Variants in RBPJ observed in about 807,000 individuals in gnomAD.
RBPJ encodes the protein recombining binding protein suppressor of hairless.
A neutral mutation model predicts 67.8 loss-of-function variants in RBPJ; 9 were observed. That is an observed-to-expected ratio of 0.13 (90% CI 0.08 to 0.23). The LOEUF is 0.23. Among genes scored for constraint, RBPJ ranks in the 10% least tolerant of loss-of-function variants. RBPJ has a pLI of 1.00. For missense variants in RBPJ, 305 were observed against 595.6 expected, an observed-to-expected ratio of 0.51 and a Z score of 5.08; for synonymous variants, 198 against 203.3, an observed-to-expected ratio of 0.97 and a Z score of 0.22.
At chr4:26,310,740 G>A (rs1262297421) in intron 1 of RBPJ, among the ~76,000 whole-genome samples, 1 of 149,802 alleles carries the variant, frequency 6.7e-6, no homozygotes, top group African/African-American at 2.5e-5. Context: ...CACGATCTTG[G>A]CTCACTGCAA....
rs565499904 is a variant in RBPJ at position 26,244,577 on chromosome 4, T to TA, written c.-167+80964dup. Among the ~76,000 whole-genome samples, 20 of 152,262 alleles carry TA rather than the reference T, an allele frequency of 1.3e-4. No homozygotes were observed. In the South Asian group the frequency reaches 3.9e-3, roughly 30 times the overall value. The stretch of plus-strand genomic sequence containing the variant: ...TTCTTATTGTTATTTTATATGACTA[T>TA]ATTTTAAAATTATAATTTTGTAAAA... On this transcript the variant is annotated intron_variant, in intron 1 of 4. Transcript: ENST00000512351.
intron 1 of RBPJ, among the ~76,000 whole-genome samples, chr4:26,197,978 C>T (rs1441546380): frequency 3.3e-5 from 5 of 152,094 alleles, no homozygotes; most frequent in African/African-American, 9.7e-5. Flanking sequence ...GCAGGCCGGG[C>T]GCAGTGGCTC....
chr4:26,352,045 T>G (rs1726864022), intron 1 of RBPJ, among the ~76,000 whole-genome samples: 1 of 152,208 alleles, frequency 6.6e-6, no homozygotes, highest in South Asian at 2.1e-4. Flanking sequence ...TTAAATTGTT[T>G]TCAATTCAGA....
intron 1 of RBPJ, among the ~76,000 whole-genome samples, chr4:26,186,873 A>G (rs937354438): frequency 1.3e-5 from 2 of 152,150 alleles, no homozygotes; most frequent in East Asian, 1.9e-4. Context: ...AAGTGACTTT[A>G]TTATCCACGG....
chr4:26,157,096 AAC>A, the RBPJ span, among the ~76,000 whole-genome samples: 4 of 50,116 alleles, frequency 8.0e-5, no homozygotes, highest in African/African-American at 2.2e-4. Context: ...CAAACAAACA[AAC>A]AAAAACAAAC....
chr4:26,147,577 T>C, the RBPJ span, among the ~76,000 whole-genome samples: 1 of 152,140 alleles, frequency 6.6e-6, no homozygotes, highest in Admixed American at 6.5e-5. Flanking sequence ...TTTCAGAGAG[T>C]GAAACTCCCA....
intron 1 of RBPJ, among the ~76,000 whole-genome samples, chr4:26,210,843 C>T (rs1210783900): frequency 1.5e-5 from 2 of 135,880 alleles, no homozygotes; most frequent in Non-Finnish European, 3.1e-5. Context: ...TATTGGTGTG[C>T]CAGTGAAAAG....
chr4:26,166,042 T>C (rs1422723987), intron 1 of RBPJ, among the ~76,000 whole-genome samples: 10 of 151,062 alleles, frequency 6.6e-5, no homozygotes, highest in Non-Finnish European at 7.4e-5. Flanking sequence ...ACAAAGGACA[T>C]GAACTCATCA....
At chr4:26,278,701 C>T (rs1408868791) in intron 1 of RBPJ, among the ~76,000 whole-genome samples, 2 of 152,196 alleles carry the variant, frequency 1.3e-5, no homozygotes, top group Non-Finnish European at 2.9e-5. Flanking sequence ...ACTGAAATAA[C>T]ACTCAAAAAT....
chr4:26,378,426 G>A (rs879027855), intron 1 of RBPJ, among the ~76,000 whole-genome samples: 3 of 152,096 alleles, frequency 2.0e-5, no homozygotes, highest in Admixed American at 6.5e-5. Flanking sequence ...ATGGAGACCC[G>A]TATTCTCACA....
At chr4:26,270,429 GAAAGAAAGAAGAAAGA>G (rs1720872179) in intron 1 of RBPJ, among the ~76,000 whole-genome samples, 8 of 56,638 alleles carry the variant, frequency 1.4e-4, no homozygotes, top group Middle Eastern at 9.6e-3. Flanking sequence ...AAGAAAGAAA[GAAAGAAAGAAGAAAGA>G]AAGAAAGAAA....
chr4:26,223,290 A>G (rs530635785), intron 1 of RBPJ, among the ~76,000 whole-genome samples: 1 of 152,268 alleles, frequency 6.6e-6, no homozygotes, highest in African/African-American at 2.4e-5. Flanking sequence ...CTCATGTGAT[A>G]GGCACTCTCC....
At chr4:26,168,518 T>C (rs1281718725) in intron 1 of RBPJ, among the ~76,000 whole-genome samples, 1 of 152,228 alleles carries the variant, frequency 6.6e-6, no homozygotes, top group Non-Finnish European at 1.5e-5. Context: ...TTTTCCTTCA[T>C]TTCAACTTTG....
intron 1 of RBPJ, among the ~76,000 whole-genome samples, chr4:26,238,637 T>C (rs1206982696): frequency 2.0e-5 from 3 of 152,126 alleles, no homozygotes; most frequent in Non-Finnish European, 1.5e-5. Flanking sequence ...TGCTGTGACA[T>C]AGAAACAATC....
chr4:26,223,686 A>T (rs556266223), intron 1 of RBPJ, among the ~76,000 whole-genome samples: 2 of 152,276 alleles, frequency 1.3e-5, no homozygotes, highest in African/African-American at 2.4e-5. Flanking sequence ...GCCCTATAGG[A>T]GGCATAGTCA....
intron 1 of RBPJ, among the ~76,000 whole-genome samples, chr4:26,279,472 TTCA>T (rs1209566602): frequency 3.3e-5 from 5 of 151,994 alleles, no homozygotes; most frequent in Non-Finnish European, 7.4e-5. Context: ...GAGACGGGCT[TTCA>T]TCATGTTGGC....
intron 1 of RBPJ, among the ~76,000 whole-genome samples, chr4:26,325,554 A>G (rs936106106): frequency 6.6e-6 from 1 of 152,202 alleles, no homozygotes; most frequent in African/African-American, 2.4e-5. Context: ...TTGCAAGATA[A>G]TTATTCCTAA....
chr4:26,111,457 A>T, the RBPJ span, among the ~76,000 whole-genome samples: 1 of 152,220 alleles, frequency 6.6e-6, no homozygotes, highest in Non-Finnish European at 1.5e-5. Context: ...CTTCTTCTAT[A>T]GCCCAGGCAG....
chr4:26,123,509 A>G, the RBPJ span, among the ~76,000 whole-genome samples: 1 of 151,956 alleles, frequency 6.6e-6, no homozygotes, highest in Non-Finnish European at 1.5e-5. Context: ...TTTATAAAGA[A>G]TTTTTTTTCT....
Sources: allele counts gnomAD v4.1 joint callset (sites outside exome capture counted in the v4.1 genomes callset), GRCh38; gene constraint gnomAD v4.1.1; transcripts MANE v1.5; gene names NCBI Gene and HGNC (gene_info 2026-07-23, HGNC 2026-07-21).